Variants in GRM1 observed in about 807,000 individuals in gnomAD.
The protein encoded by GRM1 is metabotropic glutamate receptor 1.
Under a neutral mutation model 90.9 loss-of-function variants are expected in GRM1, and 33 were observed. The observed-to-expected ratio is 0.36, with a 90% confidence interval of 0.28 to 0.49. The LOEUF is 0.49. GRM1 is among the 20% of genes least tolerant of loss of function. The pLI is 0.99. For synonymous variants in GRM1, 700 were observed against 613.2 expected (o/e 1.14, Z -2.09); for missense variants, 1,190 against 1,534.3 (o/e 0.78, Z 3.75).
At chr6:146,178,626 A>G (rs1002393339) in intron 2 of GRM1, among the ~76,000 whole-genome samples, 3 of 152,170 alleles carry the variant, frequency 2.0e-5, no homozygotes, top group Non-Finnish European at 2.9e-5. Flanking sequence ...TCTGCGCTCA[A>G]TAAGTTTTAG....
intron 7 of GRM1, among the ~76,000 whole-genome samples, chr6:146,421,685 G>A (rs974192601): frequency 2.6e-5 from 4 of 152,036 alleles, no homozygotes; most frequent in Admixed American, 2.0e-4. Flanking sequence ...ATTCTCTGTA[G>A]TCTCTTACTA....
chr6:146,231,292 T>C (rs1780443697), intron 2 of GRM1, among the ~76,000 whole-genome samples: 1 of 152,106 alleles, frequency 6.6e-6, no homozygotes, highest in African/African-American at 2.4e-5. Context: ...TACCTTCCAC[T>C]CAATTTTACT....
At chr6:146,166,231 C>G (rs377091804) in intron 2 of GRM1, among the ~76,000 whole-genome samples, 1 of 152,232 alleles carries the variant, frequency 6.6e-6, no homozygotes. Context: ...CTTAGACCAT[C>G]AATACAATTT....
rs1777063478 is a variant in GRM1 at position 146,398,969 on chromosome 6, T to A, written c.1930T>A (p.Cys644Ser). The change falls in exon 7 of 8, where the codon TGC becomes AGC. Residue 644 changes from cysteine (C) to serine (S), a missense_variant. Cys to Ser is a moderately radical substitution (Grantham distance 112). Transcript: ENST00000282753. ...ILAGIFLGYV[C>S]PFTLIAKPTT... Reference sequence around the variant, plus strand: ...AGCTGGCATCTTCCTTGGTTATGTGTGCCCATTCACTCTCATTGCCAAACC... The same window carrying A: ...AGCTGGCATCTTCCTTGGTTATGTGAGCCCATTCACTCTCATTGCCAAACC... 4 of 1,614,140 alleles carry A rather than the reference T, an allele frequency of 2.5e-6. No individual in the cohort carries two copies. Among genetic ancestry groups the A allele is most frequent in the Non-Finnish European group, 3.4e-6 (4 of 1,180,008 alleles).
intron 2 of GRM1, among the ~76,000 whole-genome samples, chr6:146,198,119 A>T (rs7748700): frequency 0.053 from 8,105 of 152,344 alleles, 710 homozygotes; most frequent in African/African-American, 0.18. Context: ...AACTCATCAA[A>T]TTGTACACAT....
intron 1 of GRM1, among the ~76,000 whole-genome samples, chr6:146,108,762 G>C (rs1775429398): frequency 6.6e-6 from 1 of 152,180 alleles, no homozygotes; most frequent in Admixed American, 6.5e-5. Flanking sequence ...ACTCCCTAGA[G>C]ACTTGCTGGA....
At chr6:146,035,943 T>A (rs1007117068) in intron 1 of GRM1, among the ~76,000 whole-genome samples, 2 of 152,004 alleles carry the variant, frequency 1.3e-5, no homozygotes, top group African/African-American at 4.8e-5. Context: ...TTGTGATTCC[T>A]TTGCCACACA....
At chr6:146,316,386 C>T (rs962024547) in intron 3 of GRM1, among the ~76,000 whole-genome samples, 5 of 152,172 alleles carry the variant, frequency 3.3e-5, no homozygotes, top group African/African-American at 4.8e-5. Context: ...TAGTCACATT[C>T]GCAAAGTCTC....
chr6:146,323,598 A>G (rs1358153234), intron 3 of GRM1, among the ~76,000 whole-genome samples: 1 of 152,174 alleles, frequency 6.6e-6, no homozygotes, highest in Admixed American at 6.5e-5. Flanking sequence ...TAGTTTAATT[A>G]GATCCCATTT....
At chr6:146,283,523 T>G (rs1223939192) in intron 2 of GRM1, among the ~76,000 whole-genome samples, 1 of 152,190 alleles carries the variant, frequency 6.6e-6, no homozygotes, top group Non-Finnish European at 1.5e-5. Context: ...TTAAAACCAA[T>G]GTCCCATGTT....
chr6:146,244,053 G>A (rs1306334874), intron 2 of GRM1, among the ~76,000 whole-genome samples: 3 of 152,112 alleles, frequency 2.0e-5, no homozygotes, highest in Non-Finnish European at 2.9e-5. Context: ...CTTGTTCCCT[G>A]AACATAGCTG....
chr6:146,115,221 TACACACACACACAC>T (rs67497002), intron 1 of GRM1, among the ~76,000 whole-genome samples: 1 of 148,574 alleles, frequency 6.7e-6, no homozygotes, highest in Non-Finnish European at 1.5e-5. Context: ...ATTAAATGCA[TACACACACACACAC>T]ACACACACAC....
chr6:146,322,385 G>A (rs1784225719), intron 3 of GRM1, among the ~76,000 whole-genome samples: 3 of 152,144 alleles, frequency 2.0e-5, no homozygotes. Flanking sequence ...GGACCCACTT[G>A]AGGAGGCAGT....
At chr6:146,099,693 G>A (rs1204469478) in intron 1 of GRM1, among the ~76,000 whole-genome samples, 2 of 152,050 alleles carry the variant, frequency 1.3e-5, no homozygotes, top group African/African-American at 2.4e-5. Flanking sequence ...ACCTTAGGTT[G>A]GTAAAATATA....
intron 5 of GRM1, among the ~76,000 whole-genome samples, chr6:146,383,862 C>A (rs1006319615): frequency 6.6e-6 from 1 of 152,024 alleles, no homozygotes; most frequent in Non-Finnish European, 1.5e-5. Context: ...TTAACAGAGT[C>A]CAGACTTAGC....
At chr6:146,304,531 T>C (rs1237860113) in intron 2 of GRM1, 80 bp from the exon 3 acceptor site, 3 of 992,338 alleles carry the variant, frequency 3.0e-6, no homozygotes, top group Non-Finnish European at 4.7e-6. Context: ...TCTGGATTGC[T>C]TCATTCATAT....
chr6:146,061,594 C>T (rs1396539882), intron 1 of GRM1, among the ~76,000 whole-genome samples: 2 of 152,016 alleles, frequency 1.3e-5, no homozygotes, highest in African/African-American at 4.8e-5. Context: ...TATCCGGAAT[C>T]TACAAAGAAC....
intron 2 of GRM1, among the ~76,000 whole-genome samples, chr6:146,291,044 G>A (rs562168802): frequency 6.6e-6 from 1 of 152,096 alleles, no homozygotes; most frequent in Admixed American, 6.6e-5. Flanking sequence ...ATGAAACAAG[G>A]GGGAACTAAT....
intron 2 of GRM1, among the ~76,000 whole-genome samples, chr6:146,227,267 G>C (rs1321822817): frequency 1.3e-5 from 2 of 151,932 alleles, no homozygotes; most frequent in Admixed American, 6.6e-5. Flanking sequence ...ACACAGAAAG[G>C]CTTCTGCTTT....
Sources: gnomAD v4.1 joint callset for allele counts (sites outside exome capture counted in the v4.1 genomes callset) on GRCh38, gnomAD v4.1.1 for gene constraint, MANE v1.5 for transcripts, NCBI Gene and HGNC (gene_info 2026-07-23, HGNC 2026-07-21) for gene names.